IRAG1: variants seen among roughly 807,000 people sequenced by gnomAD.
IRAG1 encodes inositol 1,4,5-triphosphate receptor associated 1.
IRAG1 carries 62 observed loss-of-function variants against 106.2 expected under a neutral mutation model. The observed-to-expected ratio is 0.58, with a 90% CI of 0.48 to 0.72. The LOEUF is 0.72. Ranked by LOEUF, IRAG1 falls within the 30% of genes least tolerant of loss-of-function variation. The pLI is 0.00. For missense variants in IRAG1, 1,064 were observed against 1,140.7 expected (o/e 0.93, Z 0.97); for synonymous variants, 462 against 443.9 (o/e 1.04, Z -0.51).
rs374941097 is a variant in IRAG1 at position 10,666,122 on chromosome 11, C to T, written c.68-13940G>A. ...TGGAAGTAACCATAGAGAATTTCTC[C>T]GCAGGGGAGTCATTTTTCCACCATG... On this transcript the variant is annotated intron_variant, in intron 1 of 20. Coordinates refer to ENST00000423302, the MANE Select transcript of IRAG1 (RefSeq NM_130385.4). Among the ~76,000 whole-genome samples, 31 of 152,214 alleles carry T rather than the reference C, an allele frequency of 2.0e-4. 1 individual carries two copies. Among genetic ancestry groups the T allele is most frequent in the African/African-American group, 7.0e-4 (29 of 41,528 alleles).
intron 15 of IRAG1, among the ~76,000 whole-genome samples, chr11:10,596,006 G>A (rs1853261019): frequency 6.6e-6 from 1 of 152,228 alleles, no homozygotes; most frequent in Non-Finnish European, 1.5e-5. Context: ...CCCCACGCAT[G>A]TTCCTGCAAA....
chr11:10,581,742 T>G, intron 19 of IRAG1, 125 bp downstream of exon 19: 1 of 1,188,352 alleles, frequency 8.4e-7, no homozygotes, highest in South Asian at 1.6e-5. Context: ...AGTTCCTTCC[T>G]GTGGCAAGGA....
chr11:10,606,787 AC>A lies in IRAG1; in HGVS notation c.1572-16del, dbSNP rs1312116028. The A allele has an allele frequency of 6.3e-7, 1 of 1,577,634 alleles. No homozygotes were observed. Among genetic ancestry groups the A allele is most frequent in the Non-Finnish European group, 8.6e-7 (1 of 1,160,438 alleles). Reference sequence around the variant, plus strand: ...GTGGAGGGGCACTGTGAAAAAGAAAACACACAATTGAACTGTGTGCAACCTA... The same window carrying A: ...GTGGAGGGGCACTGTGAAAAAGAAAAACACAATTGAACTGTGTGCAACCTA... On this transcript the variant is annotated splice_polypyrimidine_tract_variant and intron_variant, in intron 11 of 20. Coordinates refer to ENST00000423302, the MANE Select transcript of IRAG1 (RefSeq NM_130385.4).
rs1323046441 is a variant in IRAG1, at chr11:10,626,427, G to A, written c.907C>T (p.Pro303Ser). 6.2e-7 allele frequency: 1 copy of A among 1,613,852 alleles called. No individual in the cohort carries two copies. The highest frequency in any genetic ancestry group is 8.5e-7 in the Non-Finnish European group (1 of 1,179,868). Residue 303 changes from proline to serine, a missense_variant, in exon 9 of 21, where the codon CCC becomes TCC. By Grantham distance (74) the Pro-to-Ser change is moderately conservative. Coordinates refer to ENST00000423302, the MANE Select transcript of IRAG1 (RefSeq NM_130385.4). ...FDPLQYPETT[P>S]KGLAPVTNSS... ...TTTGTAACAGGAGCTAGGCCTTTGG[G>A]TGTGGTCTCGGGGTACTGGAGGGGA...
At chr11:10,672,585 A>G (rs1223561600) in intron 1 of IRAG1, among the ~76,000 whole-genome samples, 1 of 152,270 alleles carries the variant, frequency 6.6e-6, no homozygotes, top group Non-Finnish European at 1.5e-5. Flanking sequence ...GTTCAACGTC[A>G]TCAACTATCA....
chr11:10,651,078 C>G (rs187625342), intron 2 of IRAG1, among the ~76,000 whole-genome samples: 10 of 152,188 alleles, frequency 6.6e-5, no homozygotes, highest in African/African-American at 2.4e-4. Context: ...GATGACTGTC[C>G]GATATAACAG....
intron 1 of IRAG1, among the ~76,000 whole-genome samples, chr11:10,672,582 G>A (rs777282798): frequency 3.3e-5 from 5 of 152,150 alleles, no homozygotes; most frequent in East Asian, 1.9e-4. Context: ...GATGTTCAAC[G>A]TCATCAACTA....
intron 10 of IRAG1, among the ~76,000 whole-genome samples, chr11:10,620,565 T>C (rs1369242077): frequency 6.6e-6 from 1 of 152,164 alleles, no homozygotes; most frequent in Non-Finnish European, 1.5e-5. Context: ...TTGAGCTTCC[T>C]AGCAAATTAA....
At position 10,665,944 on chromosome 11, in the gene IRAG1, G is replaced by A. The variant is rs191844163; in HGVS notation, c.68-13762C>T. ...TTGAGAACAGGTTATGGTGAACAGT[G>A]ATATGCAATGGCAGGGGTGGGTGGA... On this transcript the variant is annotated intron_variant, in intron 1 of 20. Transcript: ENST00000423302. This position sits in a 1 kb window ranked among gnomAD's most constrained non-coding sequence, Gnocchi z 4.2. Among the ~76,000 whole-genome samples, 436 of 152,310 alleles carry A rather than the reference G, an allele frequency of 2.9e-3. 2 individuals carry two copies. Among genetic ancestry groups the A allele is most frequent in the South Asian group, 9.1e-3 (44 of 4,826 alleles).
chr11:10,665,649 T>A lies in IRAG1; in HGVS notation c.68-13467A>T, dbSNP rs1229264966. On this transcript the variant is annotated intron_variant, in intron 1 of 20. Coordinates refer to ENST00000423302, the MANE Select transcript of IRAG1 (RefSeq NM_130385.4). This position sits in a 1 kb window ranked among gnomAD's most constrained non-coding sequence, Gnocchi z 4.2. Reference sequence around the variant, plus strand: ...GGCTGTGTGAACAGGCTCGCAGCCCTGTGCTTGGAACCCCAGCACCAGAGT... The same window carrying A: ...GGCTGTGTGAACAGGCTCGCAGCCCAGTGCTTGGAACCCCAGCACCAGAGT... Among the ~76,000 whole-genome samples, 2 of 152,158 alleles carry A rather than the reference T, an allele frequency of 1.3e-5. No individual in the cohort carries two copies. Among genetic ancestry groups the A allele is most frequent in the African/African-American group, 4.8e-5 (2 of 41,428 alleles).
intron 8 of IRAG1, 133 bp downstream of exon 8, chr11:10,627,582 TC>T: frequency 1.1e-6 from 1 of 909,544 alleles, no homozygotes. Context: ...ATCTGCTGTT[TC>T]CCCAGCCCTG....
rs558392649 is a variant in IRAG1 at position 10,601,052 on chromosome 11, C to A, written c.1883G>T (p.Arg628Leu). 6.2e-7 allele frequency: 1 copy of A among 1,613,936 alleles called. No individual in the cohort carries two copies. Among genetic ancestry groups the A allele is most frequent in the South Asian group, 1.1e-5 (1 of 91,090 alleles). The stretch of plus-strand genomic sequence containing the variant: ...CATCACTTCCGTTGCTTTCGACATG[C>A]GCTTTTCCTGCGGGGAAGGAGCGCA... ...EVVGAVRQEK[R>L]MSKATEVMMQ... is the part of the protein sequence containing the mutation. Residue 628 changes from arginine to leucine, a missense_variant, in exon 15 of 21, where the codon CGC becomes CTC. By Grantham distance (102) the Arg-to-Leu change is moderately radical. Coordinates refer to ENST00000423302, the MANE Select transcript of IRAG1 (RefSeq NM_130385.4).
intron 1 of IRAG1, among the ~76,000 whole-genome samples, chr11:10,669,555 TAGATCTTCAGAAGATA>T (rs1437818829): frequency 6.6e-6 from 1 of 152,198 alleles, no homozygotes; most frequent in African/African-American, 2.4e-5. Context: ...AGCCCTAAAG[TAGATCTTCAGAAGATA>T]AGAAAATGCC....
In IRAG1 at chr11:10,652,095, G is replaced by T; in HGVS notation, c.155C>A (p.Ala52Asp). 1 of 1,606,942 alleles carries T rather than the reference G, an allele frequency of 6.2e-7. No homozygotes were observed. Among genetic ancestry groups the T allele is most frequent in the Non-Finnish European group, 8.5e-7 (1 of 1,177,178 alleles). The change falls in exon 2 of 21, where the codon GCC (alanine) becomes GAC (aspartate). Residue 52 changes from alanine to aspartate, a missense_variant. Transcript: ENST00000423302. Reference sequence around the variant, plus strand: ...CTCGTCCTCGGGAATGTGGGGCATGGCAGCCTCCTGCTGGGAGTGGCCACG... The same window carrying T: ...CTCGTCCTCGGGAATGTGGGGCATGTCAGCCTCCTGCTGGGAGTGGCCACG... ...GTRGHSQQEA[A>D]MPHIPEDEEP...
chr11:10,687,222 C>A (rs1309778024), intron 1 of IRAG1, among the ~76,000 whole-genome samples: 2 of 152,122 alleles, frequency 1.3e-5, no homozygotes, highest in African/African-American at 4.8e-5. Context: ...CATGGGAGAC[C>A]AGCCTTGCAA....
chr11:10,615,660 T>C (rs1361045483), intron 10 of IRAG1, among the ~76,000 whole-genome samples: 2 of 151,996 alleles, frequency 1.3e-5, no homozygotes, highest in Non-Finnish European at 2.9e-5. Flanking sequence ...GAAACCATCA[T>C]TCTCAGCAAA....
intron 1 of IRAG1, among the ~76,000 whole-genome samples, chr11:10,690,905 C>T (rs929111229): frequency 6.6e-6 from 1 of 152,240 alleles, no homozygotes; most frequent in Non-Finnish European, 1.5e-5. Context: ...CCTCCTCTGA[C>T]TCAGCTCCCC....
At chr11:10,617,231 A>G (rs1292016504) in intron 10 of IRAG1, 2 of 979,640 alleles carry the variant, frequency 2.0e-6, no homozygotes, top group Non-Finnish European at 2.4e-6. Flanking sequence ...AAATCATTTC[A>G]AGAGCCACCA....
intron 2 of IRAG1, among the ~76,000 whole-genome samples, chr11:10,645,625 C>T (rs1857878530): frequency 6.6e-6 from 1 of 152,236 alleles, no homozygotes; most frequent in Admixed American, 6.5e-5. Flanking sequence ...ATTGCACTTG[C>T]AGTGACACAT....
Sources: allele counts gnomAD v4.1 joint callset (sites outside exome capture counted in the v4.1 genomes callset), GRCh38; gene constraint gnomAD v4.1.1; non-coding constraint Gnocchi (gnomAD v3.1); transcripts MANE v1.5; gene names NCBI Gene and HGNC (gene_info 2026-07-23, HGNC 2026-07-21).